ARHGAP24: variants seen among roughly 807,000 people sequenced by gnomAD.
The protein encoded by ARHGAP24 is Rho GTPase activating protein 24.
Under a neutral mutation model 76.4 loss-of-function variants are expected in ARHGAP24, and 50 were observed. The ratio of observed to expected loss-of-function variants is 0.65; its 90% confidence interval spans 0.52 to 0.83. ARHGAP24 has a LOEUF of 0.83. ARHGAP24 is among the 40% of genes least tolerant of loss of function. ARHGAP24 has a pLI of 0.00. For synonymous variants in ARHGAP24, 345 were observed against 323.3 expected, an observed-to-expected ratio of 1.07 and a Z score of -0.72; for missense variants, 930 against 914.2, an observed-to-expected ratio of 1.02 and a Z score of -0.22.
intron 1 of ARHGAP24, among the ~76,000 whole-genome samples, chr4:85,563,349 A>T (rs894078055): frequency 6.6e-6 from 1 of 152,212 alleles, no homozygotes; most frequent in Non-Finnish European, 1.5e-5. Context: ...GAAGTCTAAG[A>T]TCAAGGTGCT....
chr4:85,523,883 G>A (rs145407248), intron 1 of ARHGAP24, among the ~76,000 whole-genome samples: 3 of 151,786 alleles, frequency 2.0e-5, no homozygotes, highest in South Asian at 2.1e-4. Flanking sequence ...TCTTTACAAC[G>A]GAGTTAAAAT....
intron 4 of ARHGAP24, among the ~76,000 whole-genome samples, chr4:85,938,993 A>G (rs968716840): frequency 1.3e-5 from 2 of 152,196 alleles, no homozygotes; most frequent in Non-Finnish European, 2.9e-5. Flanking sequence ...GTATTCTGTA[A>G]TAGCCACTGA....
At chr4:85,985,162 A>G (rs1420557985) in intron 8 of ARHGAP24, among the ~76,000 whole-genome samples, 1 of 152,142 alleles carries the variant, frequency 6.6e-6, no homozygotes, top group Non-Finnish European at 1.5e-5. Context: ...TAAACATTCT[A>G]TTATAAAGAC....
intron 3 of ARHGAP24, among the ~76,000 whole-genome samples, chr4:85,802,122 A>G (rs1325969825): frequency 6.6e-6 from 1 of 152,194 alleles, no homozygotes; most frequent in Non-Finnish European, 1.5e-5. Flanking sequence ...GGGCCCCTTC[A>G]TGGATAATGT....
At chr4:85,788,090 T>C (rs1198558119) in intron 3 of ARHGAP24, among the ~76,000 whole-genome samples, 2 of 152,116 alleles carry the variant, frequency 1.3e-5, no homozygotes, top group African/African-American at 4.8e-5. Context: ...CCACAGGGTC[T>C]GTGGACTTAA....
intron 3 of ARHGAP24, among the ~76,000 whole-genome samples, chr4:85,894,671 C>T (rs1024117373): frequency 1.3e-5 from 2 of 152,038 alleles, no homozygotes; most frequent in Admixed American, 6.6e-5. Context: ...ATATAATGGA[C>T]TTTGGGAGCC....
At chr4:85,737,823 C>T (rs1725659603) in intron 3 of ARHGAP24, among the ~76,000 whole-genome samples, 1 of 152,194 alleles carries the variant, frequency 6.6e-6, no homozygotes, top group South Asian at 2.1e-4. Flanking sequence ...AGGAAGGAAG[C>T]TGGCTCATAC....
At chr4:85,671,895 A>G (rs1334162198) in intron 2 of ARHGAP24, among the ~76,000 whole-genome samples, 1 of 152,218 alleles carries the variant, frequency 6.6e-6, no homozygotes, top group African/African-American at 2.4e-5. Flanking sequence ...TCAAAGACCC[A>G]GGGTCTGAAG....
intron 2 of ARHGAP24, among the ~76,000 whole-genome samples, chr4:85,692,384 G>T (rs1723697562): frequency 6.6e-6 from 1 of 152,026 alleles, no homozygotes; most frequent in Non-Finnish European, 1.5e-5. Context: ...AACAAGATTA[G>T]GGCAATTTTT....
chr4:85,903,640 A>G (rs1003511628), intron 3 of ARHGAP24, among the ~76,000 whole-genome samples: 3 of 152,138 alleles, frequency 2.0e-5, no homozygotes, highest in Admixed American at 6.5e-5. Context: ...TTAAAACACT[A>G]AAATTACTTT....
At chr4:85,562,203 T>G (rs1186733427) in intron 1 of ARHGAP24, among the ~76,000 whole-genome samples, 4 of 152,218 alleles carry the variant, frequency 2.6e-5, no homozygotes, top group Non-Finnish European at 5.9e-5. Flanking sequence ...AAGAAAATGC[T>G]AATGCTATGG....
intron 8 of ARHGAP24, among the ~76,000 whole-genome samples, chr4:85,979,630 T>C (rs796671882): frequency 5.3e-5 from 8 of 152,330 alleles, no homozygotes; most frequent in African/African-American, 1.9e-4. Context: ...TTCATCCATG[T>C]GGCAATATTT....
chr4:85,906,921 A>G (rs1734800224), intron 3 of ARHGAP24, among the ~76,000 whole-genome samples: 1 of 152,184 alleles, frequency 6.6e-6, no homozygotes, highest in East Asian at 1.9e-4. Context: ...AGACATTTTC[A>G]TCGTTTCTAT....
intron 2 of ARHGAP24, among the ~76,000 whole-genome samples, chr4:85,638,983 T>A (rs1721422815): frequency 6.6e-6 from 1 of 152,200 alleles, no homozygotes; most frequent in Non-Finnish European, 1.5e-5. Flanking sequence ...TCTGTTATTT[T>A]ACATGGGCAT....
In ARHGAP24 at chr4:85,793,068, C is replaced by A. The variant is rs575322019; in HGVS notation, c.268+71096C>A. The stretch of plus-strand genomic sequence containing the variant: ...AAGTTAGTTTCCAGTTATATAACAC[C>A]AATAAATTTTTTAAATGAAATTTTG... On this transcript the variant is annotated intron_variant, in intron 3 of 9. Coordinates refer to ENST00000395184, the MANE Select transcript of ARHGAP24 (RefSeq NM_001025616.3). Among the ~76,000 whole-genome samples the A allele has an allele frequency of 2.6e-5, 4 of 152,060 alleles. 1 individual carries two copies. The highest frequency in any genetic ancestry group is 7.2e-5 in the African/African-American group (3 of 41,512).
intron 2 of ARHGAP24, among the ~76,000 whole-genome samples, chr4:85,678,170 A>G (rs556631914): frequency 2.6e-5 from 4 of 152,274 alleles, no homozygotes; most frequent in South Asian, 2.1e-4. Context: ...GGAATTCAGG[A>G]CTACTCTGGG....
chr4:85,943,423 A>G (rs1423369217), intron 5 of ARHGAP24, among the ~76,000 whole-genome samples: 1 of 152,116 alleles, frequency 6.6e-6, no homozygotes, highest in Non-Finnish European at 1.5e-5. Flanking sequence ...GTGCCCTCAG[A>G]TGGTGGAAGG....
At chr4:85,627,498 C>G (rs1721003505) in intron 2 of ARHGAP24, among the ~76,000 whole-genome samples, 1 of 152,160 alleles carries the variant, frequency 6.6e-6, no homozygotes, top group African/African-American at 2.4e-5. Flanking sequence ...TTGGTGCCTC[C>G]CAGTTAGGCT....
chr4:85,760,311 T>G (rs1389999811), intron 3 of ARHGAP24, among the ~76,000 whole-genome samples: 1 of 152,212 alleles, frequency 6.6e-6, no homozygotes, highest in African/African-American at 2.4e-5. Flanking sequence ...TAACCTGAGA[T>G]CTATAGTAAT....
Sources: gnomAD v4.1 joint callset for allele counts (sites outside exome capture counted in the v4.1 genomes callset) on GRCh38, gnomAD v4.1.1 for gene constraint, MANE v1.5 for transcripts, NCBI Gene and HGNC (gene_info 2026-07-23, HGNC 2026-07-21) for gene names.